The following SLC3A2 variants were observed in gnomAD, a reference collection of about 807,000 sequenced individuals.
SLC3A2 encodes amino acid transporter heavy chain SLC3A2.
In SLC3A2, 32 loss-of-function variants were observed where a neutral mutation model predicts 48.5. The observed-to-expected ratio is 0.66, with a 90% confidence interval of 0.50 to 0.89. SLC3A2 has a LOEUF of 0.89. Among genes scored for constraint, SLC3A2 ranks in the 40% least tolerant of loss-of-function variants. The pLI is 0.00. For missense variants in SLC3A2, 587 were observed against 680.7 expected (o/e 0.86, Z 1.53); for synonymous variants, 277 against 288.8 (o/e 0.96, Z 0.41).
upstream of SLC3A2, among the ~76,000 whole-genome samples, chr11:62,879,258 G>C (rs539226904): frequency 2.0e-5 from 3 of 152,270 alleles, no homozygotes; most frequent in African/African-American, 7.2e-5. Flanking sequence ...GCCAGGCCCA[G>C]ATAATTTTAA....
intron 1 of SLC3A2, among the ~76,000 whole-genome samples, chr11:62,866,206 C>G (rs2085451154): frequency 6.6e-6 from 1 of 151,758 alleles, no homozygotes; most frequent in Non-Finnish European, 1.5e-5. Flanking sequence ...CAACCTCTGC[C>G]TCCTGGGTTC....
intron 3 of SLC3A2, chr11:62,883,808 A>G: frequency 1.4e-5 from 5 of 357,638 alleles, no homozygotes; most frequent in Non-Finnish European, 2.8e-5. Flanking sequence ...TACATGGCCC[A>G]GAGAAAGGGA....
In SLC3A2 at chr11:62,860,243, T is replaced by G. The variant is rs539325584; in HGVS notation, c.112+3862T>G. 5.6e-4 allele frequency among the ~76,000 whole-genome samples: 85 copies of G among 152,258 alleles called. 1 individual carries two copies. The highest frequency in any genetic ancestry group is 1.9e-3 in the African/African-American group (78 of 41,560). On this transcript the variant is annotated intron_variant, in intron 1 of 9. Coordinates refer to the SLC3A2 transcript ENST00000377889. ...TTGGCCGGGCGCGGTGGCTCACGCCTGTAATCCCAGCACTTTGGGAGGCTG... is the reference window on the plus strand; with the variant it reads ...TTGGCCGGGCGCGGTGGCTCACGCCGGTAATCCCAGCACTTTGGGAGGCTG...
At chr11:62,871,687 A>C in intron 1 of SLC3A2, 1 of 597,118 alleles carries the variant, frequency 1.7e-6, no homozygotes, top group South Asian at 2.0e-5. Flanking sequence ...TTATTTTAGC[A>C]AATAACATGC....
rs964593794 is a variant in SLC3A2, at chr11:62,871,487, G to A, written c.113-9532G>A. ...ACTCCTGATCTCAGGTTATCCGCCC[G>A]TCTCGGCCTCCCAAAGTGCTGGGAT... On this transcript the variant is annotated intron_variant, in intron 1 of 9. Transcript: ENST00000377889. The A allele has an allele frequency of 6.8e-5, 30 of 444,274 alleles. 1 individual carries two copies. The highest frequency in any genetic ancestry group is 1.1e-4 in the Non-Finnish European group (29 of 254,098). The allele number at this position is 444,274 out of a possible 1,614,324, so 27.5% of individuals were successfully genotyped here.
Position 62,875,522 on chromosome 11 carries a change from C to T in SLC3A2, c.113-5497C>T, listed in dbSNP as rs112463394. On this transcript the variant is annotated intron_variant, in intron 1 of 9. Coordinates refer to the SLC3A2 transcript ENST00000377889. Reference sequence around the variant, plus strand: ...CTGTACTCCAGCCTGGGCGACAGAGCGAGACTTCATCTCAAAAAAAAAAGT... The same window carrying T: ...CTGTACTCCAGCCTGGGCGACAGAGTGAGACTTCATCTCAAAAAAAAAAGT... 5.3e-4 allele frequency among the ~76,000 whole-genome samples: 80 copies of T among 152,118 alleles called. 1 individual carries two copies. Among genetic ancestry groups the T allele is most frequent in the African/African-American group, 1.7e-3 (69 of 41,508 alleles).
Position 62,881,593 on chromosome 11 carries a change from C to T in SLC3A2, c.424+146C>T. ...GTTCCCCCTTCCCCCACCCCCTCCC[C>T]GGCACATTGTCCTTCCCTCCTTTCT... On this transcript the variant is annotated intron_variant, in intron 1 of 8. Coordinates refer to ENST00000338663, the MANE Select transcript of SLC3A2 (RefSeq NM_001013251.3). The surrounding 1 kb of genome is among the most constrained non-coding windows in gnomAD (Gnocchi z 4.0). 1.7e-6 allele frequency: 2 copies of T among 1,172,660 alleles called. No homozygotes were observed. The highest frequency in any genetic ancestry group is 2.3e-6 in the Non-Finnish European group (2 of 859,604). 72.6% of individuals were successfully genotyped at this position (1,172,660 alleles called of 1,614,324 possible).
At chr11:62,880,773 G>A (rs1413823280), upstream of SLC3A2, 5 of 567,538 alleles carry the variant, frequency 8.8e-6, no homozygotes, top group Non-Finnish European at 1.5e-5. Context: ...TGTCGGAGGC[G>A]TGTTCCTGAC....
At chr11:62,876,303 GC>G, upstream of SLC3A2, among the ~76,000 whole-genome samples, 1 of 152,110 alleles carries the variant, frequency 6.6e-6, no homozygotes, top group East Asian at 1.9e-4. Flanking sequence ...TATATACTTG[GC>G]CCCCTGCATT....
intron 1 of SLC3A2, among the ~76,000 whole-genome samples, chr11:62,857,192 G>A (rs982056034): frequency 1.3e-5 from 2 of 151,404 alleles, no homozygotes; most frequent in Non-Finnish European, 2.9e-5. Flanking sequence ...CGGGATGTCT[G>A]TTCACTGCAA....
At position 62,881,108 on chromosome 11, in the gene SLC3A2, G is replaced by T. The variant is rs144392090; in HGVS notation, c.85G>T (p.Gly29Trp). The T allele has an allele frequency of 2.5e-5, 41 of 1,608,696 alleles. No homozygotes were observed. In the African/African-American group the frequency reaches 4.4e-4, roughly 17 times the overall value. The change falls in exon 1 of 9, where the codon GGG becomes TGG. Residue 29 changes from glycine to tryptophan, a missense_variant. By Grantham distance (184) the Gly-to-Trp change is radical. Around this residue, in one of 3 missense-constraint regions of SLC3A2, gnomAD observed 409 missense variants for 446.7 expected, o/e 0.92. Coordinates refer to ENST00000338663, the MANE Select transcript of SLC3A2 (RefSeq NM_001013251.3). The surrounding 1 kb of genome is among the most constrained non-coding windows in gnomAD (Gnocchi z 4.0). The part of the protein sequence containing the change: ...PEKQPMNAAS[G>W]AAMSLAGAEK... ...GAAGCAGCCGATGAACGCGGCGTCTGGGGCGGCCATGTCCCTGGCGGGAGC... is the reference window on the plus strand; with the variant it reads ...GAAGCAGCCGATGAACGCGGCGTCTTGGGCGGCCATGTCCCTGGCGGGAGC...
chr11:62,873,344 C>T (rs1307503772), intron 1 of SLC3A2, among the ~76,000 whole-genome samples: 10 of 151,712 alleles, frequency 6.6e-5, no homozygotes, highest in African/African-American at 1.5e-4. Context: ...AAAAATTAGC[C>T]GGGCATGGTG....
intron 1 of SLC3A2, among the ~76,000 whole-genome samples, chr11:62,859,999 G>A (rs2085381513): frequency 6.6e-6 from 1 of 152,174 alleles, no homozygotes; most frequent in African/African-American, 2.4e-5. Context: ...TGGTCTCTGA[G>A]TTCCCTCAGT....
chr11:62,887,950 AC>A (rs34176851), intron 7 of SLC3A2, 184 bp from the exon 8 acceptor site: 25,280 of 557,404 alleles, frequency 0.045, 749 homozygotes, highest in Non-Finnish European at 0.054. Context: ...GTAACACTAC[AC>A]CCAGCTAATT....
chr11:62,873,966 C>A (rs1279690497), intron 1 of SLC3A2, among the ~76,000 whole-genome samples: 1 of 127,108 alleles, frequency 7.9e-6, no homozygotes, highest in Non-Finnish European at 1.6e-5. Flanking sequence ...CCATGCCCAG[C>A]TAATTTTTTT....
chr11:62,871,981 C>T (rs1302414947), intron 1 of SLC3A2, among the ~76,000 whole-genome samples: 1 of 152,082 alleles, frequency 6.6e-6, no homozygotes, highest in Non-Finnish European at 1.5e-5. Flanking sequence ...GGCGTGATCA[C>T]AGCTCACTGC....
chr11:62,870,875 T>G, intron 1 of SLC3A2: 1 of 187,868 alleles, frequency 5.3e-6, no homozygotes. Flanking sequence ...ATTATTATTA[T>G]TATTATTATT....
At chr11:62,862,657 A>G (rs868851741) in intron 1 of SLC3A2, among the ~76,000 whole-genome samples, 4 of 152,172 alleles carry the variant, frequency 2.6e-5, no homozygotes, top group African/African-American at 9.7e-5. Context: ...ATATACATTT[A>G]TTAGTTACCT....
In SLC3A2 at chr11:62,881,441, C is replaced by A; in HGVS notation, c.418C>A (p.Leu140Met). The A allele has an allele frequency of 6.3e-7, 1 of 1,583,548 alleles. No individual in the cohort carries two copies. Among genetic ancestry groups the A allele is most frequent in the Non-Finnish European group, 8.5e-7 (1 of 1,172,780 alleles). Residue 140 changes from leucine to methionine, a missense_variant, in exon 1 of 9, where the codon CTG (leucine) becomes ATG (methionine). By Grantham distance (15) the Leu-to-Met change is conservative. Coordinates refer to ENST00000338663, the MANE Select transcript of SLC3A2 (RefSeq NM_001013251.3). This position sits in a 1 kb window ranked among gnomAD's most constrained non-coding sequence, Gnocchi z 4.0. ...CTTCCAGGGCCACGGCGCGGGCAAC[C>A]TGGCGGGTGAGTGCAGCGCGCCCCC... Reference protein sequence around the residue: ...QAFQGHGAGNLAGLKGRLDYL... With the variant: ...QAFQGHGAGNMAGLKGRLDYL...
Sources: allele counts gnomAD v4.1 joint callset (sites outside exome capture counted in the v4.1 genomes callset), GRCh38; gene constraint gnomAD v4.1.1; regional missense constraint gnomAD v4.1.1; non-coding constraint Gnocchi (gnomAD v3.1); transcripts MANE v1.5; gene names NCBI Gene and HGNC (gene_info 2026-07-23, HGNC 2026-07-21).